The following EYS variants were observed in gnomAD, a reference collection of about 807,000 sequenced individuals.
EYS encodes the protein EGF-like photoreceptor maintenance factor.
In EYS, 250 loss-of-function variants were observed where a neutral mutation model predicts 282.1. The ratio of observed to expected loss-of-function variants is 0.89; its 90% CI spans 0.80 to 0.98. The LOEUF is 0.98. EYS is among the 50% of genes least tolerant of loss of function. The pLI is 0.00. For synonymous variants in EYS, 1,355 were observed against 1,282.9 expected (o/e 1.06, Z -1.20); for missense variants, 4,016 against 3,709.0 (o/e 1.08, Z -2.15).
At chr6:65,649,862 A>C (rs1767590786) in intron 1 of EYS, among the ~76,000 whole-genome samples, 1 of 152,206 alleles carries the variant, frequency 6.6e-6, no homozygotes, top group South Asian at 2.1e-4. Flanking sequence ...GGTGAAAGAA[A>C]ACACATTTAA....
At chr6:65,564,384 C>A (rs1249557775) in intron 2 of EYS, among the ~76,000 whole-genome samples, 2 of 152,056 alleles carry the variant, frequency 1.3e-5, no homozygotes, top group Admixed American at 6.6e-5. Context: ...TCCTACAAGC[C>A]TACAGTAACG....
chr6:64,871,649 G>A (rs754124558), intron 19 of EYS, among the ~76,000 whole-genome samples: 1 of 151,914 alleles, frequency 6.6e-6, no homozygotes, highest in African/African-American at 2.4e-5. Flanking sequence ...TTTCTCTAAA[G>A]GTCAACACCA....
At chr6:65,155,686 A>C (rs1764714199) in intron 12 of EYS, among the ~76,000 whole-genome samples, 1 of 151,574 alleles carries the variant, frequency 6.6e-6, no homozygotes, top group Non-Finnish European at 1.5e-5. Flanking sequence ...ACAGCACTCA[A>C]TATGATTTCC....
At chr6:65,012,281 A>G (rs1771899203) in intron 13 of EYS, among the ~76,000 whole-genome samples, 1 of 152,218 alleles carries the variant, frequency 6.6e-6, no homozygotes, top group Non-Finnish European at 1.5e-5. Flanking sequence ...GCACAGTATA[A>G]GCAGCACAAA....
intron 19 of EYS, 28 bp from the exon 20 acceptor site, chr6:64,822,850 T>C: frequency 6.6e-7 from 1 of 1,526,504 alleles, no homozygotes; most frequent in Non-Finnish European, 8.8e-7. Context: ...AGGCAAAACA[T>C]GAAACCATTT....
At chr6:65,388,732 CT>C (rs1765892796) in intron 7 of EYS, among the ~76,000 whole-genome samples, 1 of 151,970 alleles carries the variant, frequency 6.6e-6, no homozygotes, top group Non-Finnish European at 1.5e-5. Context: ...CGGGAACCCC[CT>C]GAATGGCATT....
At chr6:65,063,877 T>C (rs953942953) in intron 12 of EYS, among the ~76,000 whole-genome samples, 6 of 151,836 alleles carry the variant, frequency 4.0e-5, no homozygotes, top group African/African-American at 1.4e-4. Flanking sequence ...TCCTCACTGG[T>C]ACTGATAGAA....
At chr6:64,496,105 T>G (rs1328300241) in intron 26 of EYS, among the ~76,000 whole-genome samples, 1 of 151,848 alleles carries the variant, frequency 6.6e-6, no homozygotes, top group African/African-American at 2.4e-5. Flanking sequence ...ATATGGGCTT[T>G]GAGGCTAGGG....
chr6:64,531,849 C>G (rs573402563), intron 26 of EYS, among the ~76,000 whole-genome samples: 1 of 152,172 alleles, frequency 6.6e-6, no homozygotes, highest in African/African-American at 2.4e-5. Flanking sequence ...TCTACCCATT[C>G]GAAACTCTTT....
intron 12 of EYS, among the ~76,000 whole-genome samples, chr6:65,082,337 G>T (rs1774251166): frequency 6.6e-6 from 1 of 151,884 alleles, no homozygotes; most frequent in East Asian, 1.9e-4. Flanking sequence ...TTATTTATGA[G>T]TCATGTTCAT....
chr6:64,728,948 T>G (rs2149950379), intron 22 of EYS: 1 of 152,414 alleles, frequency 6.6e-6, no homozygotes, highest in Non-Finnish European at 1.5e-5. Context: ...AGTTCAGCAG[T>G]CCTTGGCCAG....
At chr6:64,846,568 A>G (rs929419245) in intron 19 of EYS, among the ~76,000 whole-genome samples, 2 of 152,156 alleles carry the variant, frequency 1.3e-5, no homozygotes, top group Non-Finnish European at 2.9e-5. Flanking sequence ...TAGTTGATAT[A>G]GAATAGACAA....
At chr6:64,521,085 T>TTAG (rs1256249600) in intron 26 of EYS, among the ~76,000 whole-genome samples, 2 of 151,774 alleles carry the variant, frequency 1.3e-5, no homozygotes, top group Non-Finnish European at 2.9e-5. Context: ...AATAGCCTGA[T>TTAG]TAGTTACAGC....
chr6:63,789,792 C>T (rs1333873995), intron 37 of EYS, among the ~76,000 whole-genome samples: 1 of 152,154 alleles, frequency 6.6e-6, no homozygotes, highest in Non-Finnish European at 1.5e-5. Context: ...AGTTCAGAGC[C>T]ATCCATGCAG....
intron 19 of EYS, among the ~76,000 whole-genome samples, chr6:64,841,341 T>A (rs1306724818): frequency 6.6e-6 from 1 of 152,098 alleles, no homozygotes; most frequent in East Asian, 1.9e-4. Context: ...TAAGAGAATA[T>A]TTAACTCTAT....
chr6:65,515,964 T>C (rs1397611420), intron 2 of EYS, among the ~76,000 whole-genome samples: 1 of 151,874 alleles, frequency 6.6e-6, no homozygotes, highest in East Asian at 1.9e-4. Context: ...AAATTCTTCT[T>C]CAATATACTA....
At chr6:64,186,913 T>C (rs538804693) in intron 31 of EYS, among the ~76,000 whole-genome samples, 1 of 152,306 alleles carries the variant, frequency 6.6e-6, no homozygotes, top group Admixed American at 6.5e-5. Context: ...TACTTAGTTG[T>C]ACTGTTTTCT....
intron 23 of EYS, among the ~76,000 whole-genome samples, chr6:64,618,283 T>C (rs1299617608): frequency 1.3e-5 from 2 of 152,200 alleles, no homozygotes; most frequent in Non-Finnish European, 2.9e-5. Flanking sequence ...GAACATTTTT[T>C]TGAAACCATT....
At chr6:64,962,028 C>T (rs966485388) in intron 14 of EYS, among the ~76,000 whole-genome samples, 8 of 152,130 alleles carry the variant, frequency 5.3e-5, no homozygotes, top group Non-Finnish European at 1.2e-4. Flanking sequence ...AACTTCCTCA[C>T]GTTTCCCCTA....
Sources: gnomAD v4.1 joint callset for allele counts (sites outside exome capture counted in the v4.1 genomes callset) on GRCh38, gnomAD v4.1.1 for gene constraint, MANE v1.5 for transcripts, NCBI Gene and HGNC (gene_info 2026-07-23, HGNC 2026-07-21) for gene names.